Variants in AVPR1B observed in about 807,000 individuals in gnomAD.
AVPR1B encodes arginine vasopressin receptor 1B.
In AVPR1B, 25 loss-of-function variants were observed where a neutral mutation model predicts 27.5. The observed-to-expected ratio is 0.91, with a 90% CI of 0.66 to 1.27. The LOEUF (loss-of-function observed/expected upper bound fraction) is 1.27, where lower values mean the gene tolerates loss of function less well. Ranked by LOEUF, AVPR1B falls within the 50% of genes most tolerant of loss-of-function variation. The probability of loss-of-function intolerance (pLI) is 0.00; values close to 1 mark genes in which losing one functional copy is unlikely to be tolerated. For synonymous variants in AVPR1B, 248 were observed against 240.2 expected (o/e 1.03, Z -0.30); for missense variants, 595 against 556.9 (o/e 1.07, Z -0.69).
At chr1:206,110,574 T>C (rs1571881834) in intron 1 of AVPR1B, 51 bp from the exon 2 acceptor site, 2 of 1,486,994 alleles carry the variant, frequency 1.3e-6, no homozygotes, top group Non-Finnish European at 9.1e-7. Flanking sequence ...CGAAGGGACC[T>C]GGGAGAGCGT....
At chr1:206,111,059 T>C (rs566873333) in intron 1 of AVPR1B, among the ~76,000 whole-genome samples, 4 of 152,174 alleles carry the variant, frequency 2.6e-5, no homozygotes, top group Admixed American at 6.5e-5. Context: ...TATTCAGTCA[T>C]TGAGTGTGTG....
Position 206,116,439 on chromosome 1 carries a change from T to A in AVPR1B, c.452A>T (p.Tyr151Phe). ...RSLQQPGQSTYLLIAAPWLLA... is the reference protein window; with the variant it reads ...RSLQQPGQSTFLLIAAPWLLA... Reference sequence around the variant, plus strand: ...CAGCCAGGGAGCAGCGATGAGCAGGTAGGTGGACTGGCCTGGCTGCTGGAG... The same window carrying A: ...CAGCCAGGGAGCAGCGATGAGCAGGAAGGTGGACTGGCCTGGCTGCTGGAG... Residue 151 changes from tyrosine to phenylalanine, a missense_variant, in exon 1 of 2, where the codon TAC becomes TTC. Tyr to Phe is a conservative substitution (Grantham distance 22). Coordinates refer to ENST00000367126, the MANE Select transcript of AVPR1B (RefSeq NM_000707.5). 1 of 1,613,854 alleles carries A rather than the reference T, an allele frequency of 6.2e-7. No homozygotes were observed. The highest frequency in any genetic ancestry group is 8.5e-7 in the Non-Finnish European group (1 of 1,180,002).
At position 206,116,367 on chromosome 1, in the gene AVPR1B, C is replaced by T. The variant is rs200242206; in HGVS notation, c.524G>A (p.Arg175Gln). 110 of 1,613,672 alleles carry T rather than the reference C, an allele frequency of 6.8e-5. No homozygotes were observed. The highest frequency in any genetic ancestry group is 2.2e-4 in the South Asian group (20 of 91,090). Residue 175 changes from arginine to glutamine, a missense_variant, in exon 1 of 2, where the codon CGG becomes CAG. By Grantham distance (43) the Arg-to-Gln change is conservative. Transcript: ENST00000367126. ...CACCCCTGAGCCCTGGATCACCTCCCGCAGGGAAAAAATGAAGACTTGAGG... is the reference window on the plus strand; with the variant it reads ...CACCCCTGAGCCCTGGATCACCTCCTGCAGGGAAAAAATGAAGACTTGAGG... ...SLPQVFIFSL[R>Q]EVIQGSGVLD...
chr1:206,108,808 G>C lies in AVPR1B; in HGVS notation c.*1381C>G, dbSNP rs1663322012. Among the ~76,000 whole-genome samples, 1 of 152,128 alleles carries C rather than the reference G, an allele frequency of 6.6e-6. No individual in the cohort carries two copies. Among genetic ancestry groups the C allele is most frequent in the Non-Finnish European group, 1.5e-5 (1 of 68,004 alleles). On this transcript the variant is annotated 3_prime_UTR_variant, in exon 2 of 2. Transcript: ENST00000367126. ...GCTATGCCATGATAAAAGTCCCCTGGAGATAATGAGCATGTGCCATGCTCT... is the reference window on the plus strand; with the variant it reads ...GCTATGCCATGATAAAAGTCCCCTGCAGATAATGAGCATGTGCCATGCTCT...
At position 206,116,344 on chromosome 1, in the gene AVPR1B, C is replaced by T. The variant is rs201860287; in HGVS notation, c.547G>A (p.Val183Met). ...CCGAAGTCTGCCCAGCAGTCCAGCA[C>T]CCCTGAGCCCTGGATCACCTCCCGC... ...SLREVIQGSGVLDCWADFGFP... is the reference protein window; with the variant it reads ...SLREVIQGSGMLDCWADFGFP... Residue 183 changes from valine (V) to methionine (M), a missense_variant, in exon 1 of 2, where the codon GTG (valine) becomes ATG (methionine). Physicochemically the swap from Val to Met is conservative, Grantham distance 21. Transcript: ENST00000367126. 1 of 1,613,600 alleles carries T rather than the reference C, an allele frequency of 6.2e-7. No homozygotes were observed. The highest frequency in any genetic ancestry group is 1.7e-5 in the Admixed American group (1 of 60,036).
chr1:206,116,953 T>C lies in AVPR1B; in HGVS notation c.-63A>G. On this transcript the variant is annotated 5_prime_UTR_variant, in exon 1 of 2. Coordinates refer to ENST00000367126, the MANE Select transcript of AVPR1B (RefSeq NM_000707.5). ...TGTGGATGCAAGTGGAGAGGTTTGA[T>C]GGATAAAATGGAGTGGCAGGGGAGG... 2 of 1,416,084 alleles carry C rather than the reference T, an allele frequency of 1.4e-6. No homozygotes were observed. Among genetic ancestry groups the C allele is most frequent in the African/African-American group, 2.9e-5 (2 of 69,896 alleles). The allele number at this position is 1,416,084 out of a possible 1,614,324, so 87.7% of individuals were successfully genotyped here.
Position 206,116,283 on chromosome 1 carries a change from G to A in AVPR1B, c.608C>T (p.Thr203Ile). Residue 203 changes from threonine (T) to isoleucine (I), a missense_variant, in exon 1 of 2, where the codon ACC (threonine) becomes ATC (isoleucine). Transcript: ENST00000367126. ...CGGCAGAACGAAGATAGCCAGGGTGGTCCAGGTGAGGTAGGCCCGTGGCCC... is the reference window on the plus strand; with the variant it reads ...CGGCAGAACGAAGATAGCCAGGGTGATCCAGGTGAGGTAGGCCCGTGGCCC... ...PWGPRAYLTW[T>I]TLAIFVLPVT... is the part of the protein sequence containing the mutation. 1 of 1,613,614 alleles carries A rather than the reference G, an allele frequency of 6.2e-7. No homozygotes were observed. The highest frequency in any genetic ancestry group is 8.5e-7 in the Non-Finnish European group (1 of 1,180,036).
Position 206,116,621 on chromosome 1 carries a change from T to C in AVPR1B, c.270A>G (p.Pro90=), listed in dbSNP as rs202134542. ...GGTAGGTGATGTCCCACAGCAGCTG[T>C]GGCAGCACCTGGAAGAGCGCCACGG... ...DLAVALFQVL[P]QLLWDITYRF... Residue 90 remains proline, a synonymous_variant, in exon 1 of 2, where the codon CCA becomes CCG. Transcript: ENST00000367126. 2.1e-4 allele frequency: 341 copies of C among 1,614,024 alleles called. No homozygotes were observed. The highest frequency in any genetic ancestry group is 2.7e-4 in the Non-Finnish European group (316 of 1,179,980).
chr1:206,116,650 G>C lies in AVPR1B; in HGVS notation c.241C>G (p.Leu81Val), dbSNP rs1663481003. The C allele has an allele frequency of 6.2e-7, 1 of 1,612,606 alleles. No individual in the cohort carries two copies. Among genetic ancestry groups the C allele is most frequent in the African/African-American group, 1.3e-5 (1 of 74,924 alleles). The change falls in exon 1 of 2, where the codon CTG becomes GTG. Residue 81 changes from leucine to valine, a missense_variant. Transcript: ENST00000367126. ...LFVLHLALTD[L>V]AVALFQVLPQ... is the part of the protein sequence containing the mutation. ...AGCACCTGGAAGAGCGCCACGGCCA[G>C]GTCTGTCAGGGCTAAGTGCAGCACG...
At chr1:206,111,078 C>T (rs1553289784) in intron 1 of AVPR1B, among the ~76,000 whole-genome samples, 1 of 152,158 alleles carries the variant, frequency 6.6e-6, no homozygotes, top group Non-Finnish European at 1.5e-5. Flanking sequence ...TGGGCATCGA[C>T]TCTGCCTGAC....
At position 206,116,064 on chromosome 1, in the gene AVPR1B, T is replaced by G. The variant is rs1663461527; in HGVS notation, c.827A>C (p.Lys276Thr). The G allele has an allele frequency of 6.2e-7, 1 of 1,614,248 alleles. No homozygotes were observed. The highest frequency in any genetic ancestry group is 8.5e-7 in the Non-Finnish European group (1 of 1,180,050). Residue 276 changes from lysine (K) to threonine (T), a missense_variant, in exon 1 of 2, where the codon AAG becomes ACG. Transcript: ENST00000367126. The stretch of plus-strand genomic sequence containing the variant: ...AAAGGTCATCTTCACTGTTCGGATC[T>G]TGGCCCGTGAGATGGTGTTGATGCT... ...VSSINTISRA[K>T]IRTVKMTFVI...
In AVPR1B at chr1:206,116,712, C is replaced by T; in HGVS notation, c.179G>A (p.Gly60Asp). The change falls in exon 1 of 2, where the codon GGC becomes GAC. Residue 60 changes from glycine (G) to aspartate (D), a missense_variant. By Grantham distance (94) the Gly-to-Asp change is moderately conservative (BLOSUM62 -1). Coordinates refer to ENST00000367126, the MANE Select transcript of AVPR1B (RefSeq NM_000707.5). ...GCGGGAGCGCTTGCGGCCCAGCTGG[C>T]CCAGGGTCAGCAGCACAGCCAGGTT... The part of the protein sequence containing the change: ...GGNLAVLLTL[G>D]QLGRKRSRMH... 1.2e-6 allele frequency: 2 copies of T among 1,609,200 alleles called. No individual in the cohort carries two copies. The highest frequency in any genetic ancestry group is 1.7e-6 in the Non-Finnish European group (2 of 1,177,344).
intron 1 of AVPR1B, among the ~76,000 whole-genome samples, chr1:206,114,889 T>C (rs567200651): frequency 1.3e-5 from 2 of 151,876 alleles, no homozygotes; most frequent in South Asian, 4.2e-4. Context: ...AGAAGCAGGA[T>C]AAAGAGGAGG....
In AVPR1B at chr1:206,116,985, G is replaced by C. The variant is rs1663492595; in HGVS notation, c.-95C>G. ...AATGGAGTGGCAGGGGAGGTGGAGAGAAAGGAGAAGCGTTGAGAATGACAG... is the reference window on the plus strand; with the variant it reads ...AATGGAGTGGCAGGGGAGGTGGAGACAAAGGAGAAGCGTTGAGAATGACAG... On this transcript the variant is annotated 5_prime_UTR_variant, in exon 1 of 2. Transcript: ENST00000367126. 2 of 1,171,820 alleles carry C rather than the reference G, an allele frequency of 1.7e-6. No homozygotes were observed. Among genetic ancestry groups the C allele is most frequent in the Non-Finnish European group, 2.4e-6 (2 of 816,420 alleles). 72.6% of individuals were successfully genotyped at this position (1,171,820 alleles called of 1,614,324 possible). A position where few individuals can be genotyped will look rare whatever the true frequency, so the allele number is the denominator to read the frequency against.
In AVPR1B at chr1:206,109,988, T is replaced by C; in HGVS notation, c.*201A>G. ...TCTCCCTGACTGCCAGTGTCTGAGA[T>C]TGGGAGCTTATGAGGCAGCCCTCAC... On this transcript the variant is annotated 3_prime_UTR_variant, in exon 2 of 2. Transcript: ENST00000367126. The C allele has an allele frequency of 1.7e-6, 1 of 595,320 alleles. No individual in the cohort carries two copies. Among genetic ancestry groups the C allele is most frequent in the African/African-American group, 1.9e-5 (1 of 53,944 alleles). The allele number at this position is 595,320 out of a possible 1,614,324, so 36.9% of individuals were successfully genotyped here.
At position 206,108,052 on chromosome 1, in the gene AVPR1B, A is replaced by G. The variant is rs1663307499; in HGVS notation, c.*2137T>C. ...ACAGCTGGTGTTCCTTCTACCTCCC[A>G]GTCATCATGAAGAACAAAGATTTAC... On this transcript the variant is annotated 3_prime_UTR_variant, in exon 2 of 2. Coordinates refer to ENST00000367126, the MANE Select transcript of AVPR1B (RefSeq NM_000707.5). 6.6e-6 allele frequency among the ~76,000 whole-genome samples: 1 copy of G among 152,146 alleles called. No individual in the cohort carries two copies. Among genetic ancestry groups the G allele is most frequent in the Non-Finnish European group, 1.5e-5 (1 of 68,022 alleles).
In AVPR1B at chr1:206,110,080, G is replaced by C; in HGVS notation, c.*109C>G. On this transcript the variant is annotated 3_prime_UTR_variant, in exon 2 of 2. Coordinates refer to ENST00000367126, the MANE Select transcript of AVPR1B (RefSeq NM_000707.5). ...GCCTTTTCGCTCCGCTTTAGACAGG[G>C]CTCCTCTAACTCCAACCCTTACCCT... The C allele has an allele frequency of 7.8e-7, 1 of 1,285,956 alleles. No homozygotes were observed. 79.7% of individuals were successfully genotyped at this position (1,285,956 alleles called of 1,614,324 possible). A position where few individuals can be genotyped will look rare whatever the true frequency, so the allele number is the denominator to read the frequency against.
At chr1:206,110,668 G>A in intron 1 of AVPR1B, 145 bp from the exon 2 acceptor site, 1 of 692,948 alleles carries the variant, frequency 1.4e-6, no homozygotes, top group Non-Finnish European at 2.4e-6. Flanking sequence ...TAATTAGAGA[G>A]ACACACACAG....
rs1451635774 is a variant in AVPR1B at position 206,107,383 on chromosome 1, C to G, written c.*2806G>C. 6.6e-6 allele frequency among the ~76,000 whole-genome samples: 1 copy of G among 152,156 alleles called. No individual in the cohort carries two copies. Among genetic ancestry groups the G allele is most frequent in the Non-Finnish European group, 1.5e-5 (1 of 68,032 alleles). ...AGGGCCCCTCCTCCTTGAACCCTAT[C>G]CAAGGCCCTTCCACTGGCCCAGACT... is the stretch of plus-strand genomic sequence containing the variant. On this transcript the variant is annotated 3_prime_UTR_variant, in exon 2 of 2. Coordinates refer to ENST00000367126, the MANE Select transcript of AVPR1B (RefSeq NM_000707.5).
Sources: allele counts gnomAD v4.1 joint callset (sites outside exome capture counted in the v4.1 genomes callset), GRCh38; gene constraint gnomAD v4.1.1; transcripts MANE v1.5; gene names NCBI Gene and HGNC (gene_info 2026-07-23, HGNC 2026-07-21).